ZNF469: variants seen among roughly 807,000 people sequenced by gnomAD.
ZNF469 encodes zinc finger protein 469.
ZNF469 carries 1 observed loss-of-function variant against 1.0 expected under a neutral mutation model. The ratio of observed to expected loss-of-function variants is 1.00; its 90% CI spans 0.35 to 4.73. ZNF469 has a LOEUF of 4.73. ZNF469 is among the 30% of genes most tolerant of loss of function. ZNF469 has a pLI of 0.16. For missense variants in ZNF469, 6,100 were observed against 5,356.3 expected (o/e 1.14, Z -4.33); for synonymous variants, 2,703 against 2,363.4 (o/e 1.14, Z -4.17).
chr16:88,357,032 G>A, the ZNF469 span, among the ~76,000 whole-genome samples: 10 of 152,246 alleles, frequency 6.6e-5, no homozygotes, highest in Non-Finnish European at 1.0e-4. Context: ...CAGGGTGCCC[G>A]GCCAGCCCCG....
the ZNF469 span, among the ~76,000 whole-genome samples, chr16:88,157,852 G>A: frequency 6.6e-6 from 1 of 151,876 alleles, no homozygotes; most frequent in African/African-American, 2.4e-5. Flanking sequence ...CGTACAAAGT[G>A]CTGGCACCTG....
chr16:88,171,611 A>G, the ZNF469 span, among the ~76,000 whole-genome samples: 1 of 152,234 alleles, frequency 6.6e-6, no homozygotes, highest in Non-Finnish European at 1.5e-5. Context: ...TCTCCAGTGA[A>G]TAGTCCCAAA....
the ZNF469 span, among the ~76,000 whole-genome samples, chr16:88,293,117 C>T: frequency 1.3e-5 from 2 of 149,218 alleles, no homozygotes; most frequent in Non-Finnish European, 3.0e-5. Context: ...TGGATGGGTG[C>T]ACGAATAGAT....
At chr16:88,141,012 G>C in the ZNF469 span, among the ~76,000 whole-genome samples, 1 of 152,138 alleles carries the variant, frequency 6.6e-6, no homozygotes, top group South Asian at 2.1e-4. Context: ...GTAGGAAATT[G>C]GTCACGTTTG....
the ZNF469 span, among the ~76,000 whole-genome samples, chr16:88,116,077 A>C: frequency 1.3e-5 from 2 of 152,220 alleles, no homozygotes; most frequent in Non-Finnish European, 2.9e-5. Flanking sequence ...ACTAACACAC[A>C]TGCCCGACTA....
the ZNF469 span, among the ~76,000 whole-genome samples, chr16:88,237,641 T>C: frequency 1.9e-4 from 3 of 16,056 alleles, no homozygotes; most frequent in Admixed American, 4.3e-4. Flanking sequence ...TCCTTGCTCC[T>C]GCCACTCACC....
chr16:88,247,494 C>CAGTGAATGAGTGAGTGAATG, the ZNF469 span, among the ~76,000 whole-genome samples: 9 of 85,832 alleles, frequency 1.0e-4, no homozygotes, highest in Non-Finnish European at 2.8e-4. Flanking sequence ...GTGAATGAAT[C>CAGTGAATGAGTGAGTGAATG]AGTGAGTGAG....
chr16:88,363,786 C>T, the ZNF469 span, among the ~76,000 whole-genome samples: 1 of 152,192 alleles, frequency 6.6e-6, no homozygotes, highest in Non-Finnish European at 1.5e-5. Context: ...TGCAGATGCC[C>T]CTCCAACATC....
chr16:88,216,379 A>G, the ZNF469 span, among the ~76,000 whole-genome samples: 7 of 152,052 alleles, frequency 4.6e-5, no homozygotes, highest in African/African-American at 1.4e-4. Flanking sequence ...CTGTAGTCCC[A>G]GCTACTTGGG....
At chr16:88,144,958 T>C in the ZNF469 span, among the ~76,000 whole-genome samples, 4 of 151,864 alleles carry the variant, frequency 2.6e-5, no homozygotes, top group Admixed American at 2.6e-4. Context: ...CATGCAATTC[T>C]CAAGCCTCAG....
At chr16:88,224,922 A>G in the ZNF469 span, among the ~76,000 whole-genome samples, 2 of 152,168 alleles carry the variant, frequency 1.3e-5, no homozygotes, top group African/African-American at 4.8e-5. Context: ...GAGGTGCCCC[A>G]GCCTCACTGC....
chr16:88,265,327 C>T, the ZNF469 span, among the ~76,000 whole-genome samples: 2 of 152,196 alleles, frequency 1.3e-5, no homozygotes, highest in African/African-American at 4.8e-5. Flanking sequence ...TCCTGGGACC[C>T]CTCAGGAGGT....
At chr16:88,370,044 G>A in the ZNF469 span, among the ~76,000 whole-genome samples, 1 of 152,202 alleles carries the variant, frequency 6.6e-6, no homozygotes, top group Admixed American at 6.5e-5. Context: ...ACCCAAACAG[G>A]GAAATTTCAA....
At chr16:88,277,561 C>A in the ZNF469 span, among the ~76,000 whole-genome samples, 1 of 125,334 alleles carries the variant, frequency 8.0e-6, no homozygotes, top group African/African-American at 5.7e-5. Context: ...TCGGTCAGTA[C>A]CGTGTAGATA....
chr16:88,430,656 C>CCGGCGGCTGGGG lies in ZNF469; in HGVS notation c.3193_3204dup (p.Leu1065_Arg1068dup). On this transcript the variant is annotated inframe_insertion, in exon 3 of 3. Coordinates refer to ENST00000565624, the MANE Select transcript of ZNF469 (RefSeq NM_001367624.2). ...TCGTGCAGCAGAAGAACAGGCGCCA[C>CCGGCGGCTGGGG]CGGCGGCTGGGGCGGCGGGCGGGCA... is the stretch of plus-strand genomic sequence containing the variant. 6.7e-7 allele frequency: 1 copy of CCGGCGGCTGGGG among 1,493,374 alleles called. No individual in the cohort carries two copies. Among genetic ancestry groups the CCGGCGGCTGGGG allele is most frequent in the South Asian group, 1.3e-5 (1 of 79,356 alleles). 92.5% of individuals were successfully genotyped at this position (1,493,374 alleles called of 1,614,324 possible).
In ZNF469 at chr16:88,428,144, C is replaced by T. The variant is rs528085500; in HGVS notation, c.674C>T (p.Pro225Leu). ...AGCCCCCTCCAGCCCGGTTCCTATC[C>T]CGAATACCAGGCCAGTGGGGCCGAC... ...GTSPLQPGSY[P>L]EYQASGADSW... Residue 225 changes from proline to leucine, a missense_variant, in exon 3 of 3, where the codon CCC becomes CTC. Coordinates refer to ENST00000565624, the MANE Select transcript of ZNF469 (RefSeq NM_001367624.2). The T allele has an allele frequency of 1.9e-6, 3 of 1,550,208 alleles. No individual in the cohort carries two copies. Among genetic ancestry groups the T allele is most frequent in the South Asian group, 1.2e-5 (1 of 84,064 alleles).
At chr16:88,408,801 A>G (rs1905076052) in intron 1 of ZNF469, among the ~76,000 whole-genome samples, 2 of 152,206 alleles carry the variant, frequency 1.3e-5, no homozygotes, top group Admixed American at 6.5e-5. Context: ...CCGGCACCCA[A>G]TGCACCATTG....
chr16:88,289,828 A>T, the ZNF469 span, among the ~76,000 whole-genome samples: 1 of 152,200 alleles, frequency 6.6e-6, no homozygotes, highest in African/African-American at 2.4e-5. Context: ...ATGCACACTT[A>T]TGTCCCAAGT....
the ZNF469 span, among the ~76,000 whole-genome samples, chr16:88,369,224 AC>A: frequency 6.6e-6 from 1 of 151,852 alleles, no homozygotes; most frequent in African/African-American, 2.4e-5. Context: ...CCATTCCCCC[AC>A]CCCACGCTGG....
Sources: gnomAD v4.1 joint callset for allele counts (sites outside exome capture counted in the v4.1 genomes callset) on GRCh38, gnomAD v4.1.1 for gene constraint, MANE v1.5 for transcripts, NCBI Gene and HGNC (gene_info 2026-07-23, HGNC 2026-07-21) for gene names.